Variants in PKIB observed in about 807,000 individuals in gnomAD.
The protein encoded by PKIB is PKI-beta.
PKIB carries 2 observed loss-of-function variants against 4.5 expected under a neutral mutation model. That is an observed-to-expected ratio of 0.44 (90% CI 0.18 to 1.39). The LOEUF (loss-of-function observed/expected upper bound fraction) is 1.39, where lower values mean the gene tolerates loss of function less well. Ranked by LOEUF, PKIB falls within the 40% of genes most tolerant of loss-of-function variation. The pLI, the probability that PKIB is intolerant of heterozygous loss-of-function variation, is 0.27. For synonymous variants in PKIB, 38 were observed against 36.0 expected (o/e 1.06, Z -0.20); for missense variants, 94 against 92.6 (o/e 1.02, Z -0.06).
chr6:122,591,788 T>G (rs1164056869), intron 3 of PKIB, among the ~76,000 whole-genome samples: 2 of 152,036 alleles, frequency 1.3e-5, no homozygotes, highest in Non-Finnish European at 1.5e-5. Flanking sequence ...CATGGCTCAC[T>G]GCAGCCTCAA....
chr6:122,510,545 A>G (rs1430883873), intron 2 of PKIB, among the ~76,000 whole-genome samples: 1 of 152,102 alleles, frequency 6.6e-6, no homozygotes, highest in Non-Finnish European at 1.5e-5. Flanking sequence ...GTCTTTAGGG[A>G]TCATGATGGG....
At chr6:122,585,485 T>C (rs1773823762) in intron 2 of PKIB, 1 of 152,096 alleles carries the variant, frequency 6.6e-6, no homozygotes. Flanking sequence ...TCTCTCTCAC[T>C]GGAATAGAGG....
At chr6:122,471,925 A>C, upstream of PKIB, 1 of 1,340,278 alleles carries the variant, frequency 7.5e-7, no homozygotes, top group Non-Finnish European at 9.8e-7. Flanking sequence ...GAGACTGCGC[A>C]TGCGCGTCAC....
intron 2 of PKIB, among the ~76,000 whole-genome samples, chr6:122,665,717 T>C (rs1451752214): frequency 6.6e-6 from 1 of 152,132 alleles, no homozygotes; most frequent in Non-Finnish European, 1.5e-5. Flanking sequence ...AAACTGAAAA[T>C]GCATTTGAAA....
In PKIB at chr6:122,653,645, A is replaced by G. The variant is rs867868163; in HGVS notation, c.-76+20278A>G. Among the ~76,000 whole-genome samples, 5 of 127,656 alleles carry G rather than the reference A, an allele frequency of 3.9e-5. No individual in the cohort carries two copies. In the South Asian group the frequency reaches 1.5e-3, roughly 38 times the overall value. 83.7% of individuals were successfully genotyped at this position (127,656 alleles called of 152,430 possible). ...AATGTAACTTGAAGGGATTATTTGA[A>G]AAAAAAAAAAAAATTGGAGTTAAGG... On this transcript the variant is annotated intron_variant, in intron 2 of 4. Coordinates refer to ENST00000368452, the MANE Select transcript of PKIB (RefSeq NM_181795.3).
intron 1 of PKIB, among the ~76,000 whole-genome samples, chr6:122,616,489 C>T (rs913255552): frequency 5.3e-5 from 8 of 152,102 alleles, no homozygotes; most frequent in Admixed American, 3.3e-4. Flanking sequence ...CAGGGAATCA[C>T]GCGACACAGT....
chr6:122,479,896 G>C (rs1775557998), intron 2 of PKIB: 1 of 151,996 alleles, frequency 6.6e-6, no homozygotes. Flanking sequence ...CCCATGGCAT[G>C]AATAAACAGT....
At chr6:122,718,354 T>C (rs529878743) in intron 4 of PKIB, among the ~76,000 whole-genome samples, 34 of 152,202 alleles carry the variant, frequency 2.2e-4, no homozygotes, top group Non-Finnish European at 4.0e-4. Flanking sequence ...AAGCTTCTGC[T>C]TCACTGTAGT....
intron 3 of PKIB, among the ~76,000 whole-genome samples, chr6:122,712,716 G>A (rs1269765889): frequency 1.3e-5 from 2 of 152,180 alleles, no homozygotes; most frequent in African/African-American, 2.4e-5. Context: ...TATAAAATGA[G>A]CAATGGTTTC....
At position 122,471,965 on chromosome 6, in the gene PKIB, G is replaced by T. The variant is rs574824770; in HGVS notation, c.-413G>T. ...CGACACGGCTGTCTTCTTTCCTGGAGAATTTCTCAAGGACTGCTGGCTGGA... is the reference window on the plus strand; with the variant it reads ...CGACACGGCTGTCTTCTTTCCTGGATAATTTCTCAAGGACTGCTGGCTGGA... On this transcript the variant is annotated 5_prime_UTR_variant, in exon 1 of 7. Transcript: ENST00000392491. 1.8e-4 allele frequency: 194 copies of T among 1,058,052 alleles called. 3 individuals carry two copies. The African/African-American group carries it at 3.0e-3, about 16-fold the overall frequency. The allele number at this position is 1,058,052 out of a possible 1,614,324, so 65.5% of individuals were successfully genotyped here. A position where few individuals can be genotyped will look rare whatever the true frequency, so the allele number is the denominator to read the frequency against.
chr6:122,600,789 G>T (rs1297297475), intron 3 of PKIB, among the ~76,000 whole-genome samples: 1 of 152,036 alleles, frequency 6.6e-6, no homozygotes, highest in Non-Finnish European at 1.5e-5. Context: ...TAAAAAATGA[G>T]TAGGCATGCA....
rs553228376 is a variant in PKIB, at chr6:122,587,028, G to T, written c.-161+1021G>T. ...TAAAACAAACTAAATAAGCAATGTG[G>T]TTTTTTTTTTATTGTACTTTAAGTT... On this transcript the variant is annotated intron_variant, in intron 3 of 6. Transcript: ENST00000392491. Among the ~76,000 whole-genome samples the T allele has an allele frequency of 4.7e-5, 7 of 149,734 alleles. No homozygotes were observed. The East Asian group carries it at 7.8e-4, about 17-fold the overall frequency.
intron 3 of PKIB, among the ~76,000 whole-genome samples, chr6:122,706,200 A>G (rs886970850): frequency 6.6e-6 from 1 of 152,178 alleles, no homozygotes; most frequent in Non-Finnish European, 1.5e-5. Context: ...TTTGTGAAAT[A>G]TTCCTTAATC....
intron 2 of PKIB, among the ~76,000 whole-genome samples, chr6:122,661,683 T>C (rs1447787225): frequency 6.6e-6 from 1 of 152,238 alleles, no homozygotes; most frequent in African/African-American, 2.4e-5. Context: ...TCTGTGGACA[T>C]ATGCTTTCAT....
chr6:122,725,200 T>A lies in PKIB; in HGVS notation c.*5T>A, dbSNP rs1779909450. On this transcript the variant is annotated 3_prime_UTR_variant, in exon 5 of 5. Transcript: ENST00000368452. Reference sequence around the variant, plus strand: ...CCTCAAAATGAAGAAAAATGAAGGCTCATAATCTATCAAGAGTGCTGAATT... The same window carrying A: ...CCTCAAAATGAAGAAAAATGAAGGCACATAATCTATCAAGAGTGCTGAATT... The A allele has an allele frequency of 1.2e-6, 2 of 1,605,422 alleles. No individual in the cohort carries two copies. Among genetic ancestry groups the A allele is most frequent in the African/African-American group, 2.7e-5 (2 of 74,488 alleles).
chr6:122,614,179 G>A (rs182783084), intron 1 of PKIB, among the ~76,000 whole-genome samples: 1 of 152,146 alleles, frequency 6.6e-6, no homozygotes, highest in East Asian at 1.9e-4. Flanking sequence ...AGAGTTCAGA[G>A]ATGTTTAGAT....
intron 2 of PKIB, among the ~76,000 whole-genome samples, chr6:122,557,279 G>C (rs1056954679): frequency 6.6e-6 from 1 of 152,202 alleles, no homozygotes; most frequent in Admixed American, 6.5e-5. Context: ...AAATGTCACA[G>C]ATGTTCATGG....
chr6:122,679,282 C>G (rs1777809013), intron 3 of PKIB, among the ~76,000 whole-genome samples: 1 of 152,144 alleles, frequency 6.6e-6, no homozygotes, highest in Non-Finnish European at 1.5e-5. Context: ...TAGTTTATTT[C>G]AACTGCTGGA....
At chr6:122,563,163 A>G (rs898553477) in intron 2 of PKIB, among the ~76,000 whole-genome samples, 4 of 152,040 alleles carry the variant, frequency 2.6e-5, no homozygotes, top group African/African-American at 9.7e-5. Context: ...TGTTCCCTTG[A>G]TGTAGTACTC....
Sources: gnomAD v4.1 joint callset for allele counts (sites outside exome capture counted in the v4.1 genomes callset) on GRCh38, gnomAD v4.1.1 for gene constraint, MANE v1.5 for transcripts, NCBI Gene and HGNC (gene_info 2026-07-23, HGNC 2026-07-21) for gene names.